MTUS2: variants seen among roughly 807,000 people sequenced by gnomAD.
The protein encoded by MTUS2 is microtubule-associated tumor suppressor candidate 2.
A neutral mutation model predicts 114.1 loss-of-function variants in MTUS2; 40 were observed. The observed-to-expected ratio is 0.35, with a 90% CI of 0.27 to 0.46. MTUS2 has a LOEUF of 0.46. Among genes scored for constraint, MTUS2 ranks in the 20% least tolerant of loss-of-function variants. MTUS2 has a pLI of 1.00. For missense variants in MTUS2, 1,679 were observed against 1,705.4 expected (o/e 0.98, Z 0.27); for synonymous variants, 688 against 672.0 (o/e 1.02, Z -0.37).
At chr13:29,310,583 G>A (rs1316966530) in intron 6 of MTUS2, among the ~76,000 whole-genome samples, 1 of 152,074 alleles carries the variant, frequency 6.6e-6, no homozygotes, top group African/African-American at 2.4e-5. Flanking sequence ...GGAACAAAAA[G>A]ATTTGGTCAA....
rs1566131866 is a variant in MTUS2 at position 29,325,485 on chromosome 13, GAAGA to G, written c.2905+775_2905+778del. Among the ~76,000 whole-genome samples the G allele has an allele frequency of 3.0e-5, 3 of 99,582 alleles. No individual in the cohort carries two copies. In the East Asian group the frequency reaches 8.4e-4, roughly 28 times the overall value. 65.3% of individuals were successfully genotyped at this position (99,582 alleles called of 152,430 possible). The stretch of plus-strand genomic sequence containing the variant: ...AAAAAAAAAAAGAAAAGAAGAAGAG[GAAGA>G]GGGAGGAGGAGGAGGAGGAGAAGGA... On this transcript the variant is annotated intron_variant, in intron 7 of 15. Coordinates refer to ENST00000612955, the MANE Select transcript of MTUS2 (RefSeq NM_001033602.4).
chr13:29,194,402 A>G lies in MTUS2; in HGVS notation c.2645-87302A>G, dbSNP rs1428279468. Among the ~76,000 whole-genome samples the G allele has an allele frequency of 1.1e-4, 16 of 150,636 alleles. No individual in the cohort carries two copies. In the South Asian group the frequency reaches 3.3e-3, roughly 31 times the overall value. On this transcript the variant is annotated intron_variant, in intron 5 of 15. Transcript: ENST00000612955. ...TGAACTCAAACAAATTTACAAGAAA[A>G]AAACAAACAACCCCATCAAAAAGTG...
chr13:28,979,723 C>T (rs1884273351), intron 2 of MTUS2, among the ~76,000 whole-genome samples: 1 of 152,156 alleles, frequency 6.6e-6, no homozygotes, highest in African/African-American at 2.4e-5. Flanking sequence ...GAGTAAGAGG[C>T]TCTGATGAGA....
rs528693417 is a variant in MTUS2 at position 28,860,716 on chromosome 13, G to C, written c.-243+20866G>C. Among the ~76,000 whole-genome samples the C allele has an allele frequency of 1.8e-4, 28 of 152,258 alleles. No homozygotes were observed. In the South Asian group the frequency reaches 5.6e-3, roughly 30 times the overall value. On this transcript the variant is annotated intron_variant, in intron 2 of 15. Transcript: ENST00000612955. Reference sequence around the variant, plus strand: ...GTGTGCTGGATATTGGAGGAACTAGGGCAAGTCATTCTTACAGTGCTTTCA... The same window carrying C: ...GTGTGCTGGATATTGGAGGAACTAGCGCAAGTCATTCTTACAGTGCTTTCA...
At chr13:29,061,446 T>G (rs1402846010) in intron 4 of MTUS2, among the ~76,000 whole-genome samples, 1 of 152,216 alleles carries the variant, frequency 6.6e-6, no homozygotes, top group Non-Finnish European at 1.5e-5. Flanking sequence ...AAGTTGTTCT[T>G]ACTCAGTCTT....
At chr13:29,287,246 G>A (rs1898528403) in intron 6 of MTUS2, among the ~76,000 whole-genome samples, 1 of 152,172 alleles carries the variant, frequency 6.6e-6, no homozygotes, top group African/African-American at 2.4e-5. Context: ...GCTGCAATTT[G>A]TCCATTACCA....
chr13:29,247,292 G>T (rs1896961627), intron 5 of MTUS2, among the ~76,000 whole-genome samples: 1 of 152,136 alleles, frequency 6.6e-6, no homozygotes, highest in Admixed American at 6.6e-5. Flanking sequence ...TTAAATCTAA[G>T]ACCTGAAACC....
chr13:29,105,092 A>C (rs545614946), intron 5 of MTUS2, among the ~76,000 whole-genome samples: 2 of 152,342 alleles, frequency 1.3e-5, no homozygotes, highest in Non-Finnish European at 2.9e-5. Flanking sequence ...TCACTGGAGC[A>C]TTTTGGATTT....
At chr13:29,040,526 G>C (rs1324470040) in intron 4 of MTUS2, among the ~76,000 whole-genome samples, 4 of 152,132 alleles carry the variant, frequency 2.6e-5, no homozygotes, top group South Asian at 2.1e-4. Flanking sequence ...AGTTCTTTAA[G>C]GAGTCTCCAC....
intron 5 of MTUS2, among the ~76,000 whole-genome samples, chr13:29,207,286 A>AAT (rs1226819432): frequency 6.6e-6 from 1 of 152,134 alleles, no homozygotes; most frequent in East Asian, 1.9e-4. Flanking sequence ...TGTATTGTGA[A>AAT]ACTGCTGAAT....
chr13:29,244,983 T>TAAAAAAAAAAAAAAAAAAAA (rs1156962360), intron 5 of MTUS2, among the ~76,000 whole-genome samples: 1 of 98,578 alleles, frequency 1.0e-5, no homozygotes, highest in African/African-American at 4.0e-5. Flanking sequence ...AAAAAAAAAG[T>TAAAAAAAAAAAAAAAAAAAA]AAAAGTCTGT....
chr13:29,002,799 AG>A (rs1459988808), intron 2 of MTUS2, among the ~76,000 whole-genome samples: 1 of 152,218 alleles, frequency 6.6e-6, no homozygotes, highest in Non-Finnish European at 1.5e-5. Context: ...ACATTTTACA[AG>A]CTCCCTCTTG....
intron 2 of MTUS2, among the ~76,000 whole-genome samples, chr13:28,890,641 A>G (rs934276193): frequency 3.9e-5 from 6 of 152,216 alleles, no homozygotes; most frequent in African/African-American, 1.4e-4. Context: ...TATGCATAAA[A>G]CCATTGAAAT....
chr13:29,220,264 G>A (rs1895856867), intron 5 of MTUS2, among the ~76,000 whole-genome samples: 1 of 152,138 alleles, frequency 6.6e-6, no homozygotes, highest in African/African-American at 2.4e-5. Flanking sequence ...GCCTTCCAAA[G>A]TGCTGGGATT....
intron 2 of MTUS2, among the ~76,000 whole-genome samples, chr13:28,953,544 A>G (rs956701146): frequency 8.5e-5 from 13 of 152,334 alleles, no homozygotes; most frequent in African/African-American, 2.6e-4. Flanking sequence ...TTATTTAAAA[A>G]TGTTTATTGC....
intron 5 of MTUS2, among the ~76,000 whole-genome samples, chr13:29,228,459 A>G (rs1896197795): frequency 6.6e-6 from 1 of 152,030 alleles, no homozygotes; most frequent in Non-Finnish European, 1.5e-5. Flanking sequence ...TAGCTGGAAC[A>G]TCAGGAGTGT....
Position 29,335,244 on chromosome 13 carries a change from A to G in MTUS2, c.2905+10533A>G, listed in dbSNP as rs189774487. On this transcript the variant is annotated intron_variant, in intron 7 of 15. Coordinates refer to ENST00000612955, the MANE Select transcript of MTUS2 (RefSeq NM_001033602.4). The stretch of plus-strand genomic sequence containing the variant: ...AGATGACCATATCTTTTACGGTCGT[A>G]GATAAGGGATGAAATAAGCCCCGGT... 9.4e-3 allele frequency among the ~76,000 whole-genome samples: 1,436 copies of G among 152,262 alleles called. 22 individuals are homozygous for G. The highest frequency in any genetic ancestry group is 0.033 in the African/African-American group (1,374 of 41,546).
chr13:29,376,027 G>GTATA (rs59303497), intron 8 of MTUS2, among the ~76,000 whole-genome samples: 1 of 135,466 alleles, frequency 7.4e-6, no homozygotes, highest in Non-Finnish European at 1.6e-5. Context: ...GTATGTGTGT[G>GTATA]TATATATATA....
At chr13:28,827,714 G>A (rs143076206) in intron 1 of MTUS2, among the ~76,000 whole-genome samples, 42 of 152,206 alleles carry the variant, frequency 2.8e-4, no homozygotes, top group African/African-American at 9.9e-4. Context: ...GGTGTCTGGG[G>A]GAGACATCAC....
Sources: allele counts gnomAD v4.1 joint callset (sites outside exome capture counted in the v4.1 genomes callset), GRCh38; gene constraint gnomAD v4.1.1; transcripts MANE v1.5; gene names NCBI Gene and HGNC (gene_info 2026-07-23, HGNC 2026-07-21).